C16orf96: variants seen among roughly 807,000 people sequenced by gnomAD.
C16orf96 encodes chromosome 16 open reading frame 96.
In C16orf96, 108 loss-of-function variants were observed where a neutral mutation model predicts 103.6. The ratio of observed to expected loss-of-function variants is 1.04; its 90% CI spans 0.89 to 1.22. The LOEUF (loss-of-function observed/expected upper bound fraction) is 1.22. C16orf96 is among the 50% of genes most tolerant of loss of function. The pLI is 0.00. For synonymous variants in C16orf96, 566 were observed against 593.5 expected (o/e 0.95, Z 0.67); for missense variants, 1,586 against 1,464.2 (o/e 1.08, Z -1.36).
chr16:4,568,655 G>A, intron 1 of C16orf96, among the ~76,000 whole-genome samples: 1 of 130,302 alleles, frequency 7.7e-6, no homozygotes, highest in Admixed American at 8.5e-5. Context: ...TTGAGACAGA[G>A]TCTCACTCTG....
intron 1 of C16orf96, among the ~76,000 whole-genome samples, chr16:4,563,343 G>A (rs1023919098): frequency 3.3e-5 from 5 of 151,906 alleles, no homozygotes; most frequent in South Asian, 4.2e-4. Flanking sequence ...TCAACCTCCC[G>A]GGCTCAACCC....
intron 2 of C16orf96, among the ~76,000 whole-genome samples, chr16:4,572,167 C>T (rs936677328): frequency 2.6e-5 from 4 of 151,938 alleles, no homozygotes; most frequent in African/African-American, 9.7e-5. Context: ...ATGCTTTCTA[C>T]CCCAGTGTGT....
At chr16:4,586,632 G>A (rs1006010771) in intron 7 of C16orf96, among the ~76,000 whole-genome samples, 2 of 152,210 alleles carry the variant, frequency 1.3e-5, no homozygotes, top group Non-Finnish European at 2.9e-5. Context: ...CCTAACGCTT[G>A]AGCACAGTGT....
At chr16:4,566,936 C>G (rs1313913995) in intron 1 of C16orf96, among the ~76,000 whole-genome samples, 1 of 151,898 alleles carries the variant, frequency 6.6e-6, no homozygotes, top group Non-Finnish European at 1.5e-5. Flanking sequence ...TTTTGTTGAC[C>G]TTTTCAATTA....
chr16:4,573,868 C>G (rs1278457618), intron 2 of C16orf96, among the ~76,000 whole-genome samples: 2 of 152,004 alleles, frequency 1.3e-5, no homozygotes, highest in Middle Eastern at 3.2e-3. Context: ...GAGTCTCTCT[C>G]TGTCACCCAG....
At position 4,576,678 on chromosome 16, in the gene C16orf96, C is replaced by A. The variant is rs758232639; in HGVS notation, c.2155+43C>A. On this transcript the variant is annotated intron_variant, in intron 5 of 15. Transcript: ENST00000444310. ...CTGGGAAGGGCACAAGGGAGTGGGG[C>A]TCTCCCTGCAGCCTTTGAGAAGTGT... is the stretch of plus-strand genomic sequence containing the variant. 9 of 1,498,592 alleles carry A rather than the reference C, an allele frequency of 6.0e-6. No individual in the cohort carries two copies. In the African/African-American group the frequency reaches 1.1e-4, roughly 19 times the overall value. 92.8% of individuals were successfully genotyped at this position (1,498,592 alleles called of 1,614,324 possible). A position where few individuals can be genotyped will look rare whatever the true frequency, so the allele number is the denominator to read the frequency against.
chr16:4,594,639 G>T, intron 13 of C16orf96, 65 bp from the exon 14 acceptor site: 1 of 1,542,672 alleles, frequency 6.5e-7, no homozygotes, highest in Middle Eastern at 1.7e-4. Context: ...GCTTCTGCGT[G>T]TACCAAAGTT....
At chr16:4,579,209 G>T (rs780578371) in intron 6 of C16orf96, among the ~76,000 whole-genome samples, 184 bp downstream of exon 6, 170 of 151,978 alleles carry the variant, frequency 1.1e-3, no homozygotes, top group Non-Finnish European at 2.0e-3. Context: ...TGCGGTGGGG[G>T]GGCCCAGCAG....
chr16:4,573,891 T>G (rs1026138722), intron 2 of C16orf96, among the ~76,000 whole-genome samples: 1 of 152,056 alleles, frequency 6.6e-6, no homozygotes, highest in East Asian at 1.9e-4. Flanking sequence ...TGGAGTGCAG[T>G]GGCACGATCT....
At position 4,600,220 on chromosome 16, in the gene C16orf96, A is replaced by ACCGT. The variant is rs1246348248; in HGVS notation, c.3331_3332insGTCC (p.Pro1111ArgfsTer18). 4.5e-6 allele frequency: 7 copies of ACCGT among 1,550,378 alleles called. No individual in the cohort carries two copies. The highest frequency in any genetic ancestry group is 6.1e-6 in the Non-Finnish European group (7 of 1,146,712). ...CCACCGCTGATTCCATCCCTAAGGG[A>ACCGT]CCCCCAGCAGGCCCCAGGGTCCACC... On this transcript the variant is annotated frameshift_variant, in exon 16 of 16. Transcript: ENST00000444310. LOFTEE classifies it low-confidence loss of function (END_TRUNC).
At chr16:4,597,457 G>A (rs1339062216) in intron 14 of C16orf96, among the ~76,000 whole-genome samples, 1 of 152,164 alleles carries the variant, frequency 6.6e-6, no homozygotes, top group Non-Finnish European at 1.5e-5. Context: ...GCCTCCCCAA[G>A]GGCTGTCATC....
Position 4,576,649 on chromosome 16 carries a change from G to A in C16orf96, c.2155+14G>A. ...TGAGTTATCTAGGTAGGCCTGGTCT[G>A]GCCCTGGGAAGGGCACAAGGGAGTG... On this transcript the variant is annotated intron_variant, in intron 5 of 15. Coordinates refer to ENST00000444310, the MANE Select transcript of C16orf96 (RefSeq NM_001145011.2). 1 of 1,542,590 alleles carries A rather than the reference G, an allele frequency of 6.5e-7. No individual in the cohort carries two copies. Among genetic ancestry groups the A allele is most frequent in the Non-Finnish European group, 8.8e-7 (1 of 1,142,248 alleles).
In C16orf96 at chr16:4,556,970, C is replaced by T. The variant is rs143227177; in HGVS notation, c.420+61C>T. On this transcript the variant is annotated intron_variant, in intron 1 of 15. Coordinates refer to ENST00000444310, the MANE Select transcript of C16orf96 (RefSeq NM_001145011.2). The stretch of plus-strand genomic sequence containing the variant: ...CTTCACCACTGGCTCTCTCCTGGGA[C>T]GTCTTTTTTTTGTTTTTGAGACTCC... 4.5e-5 allele frequency: 66 copies of T among 1,455,014 alleles called. No homozygotes were observed. The African/African-American group carries it at 4.9e-4, about 11-fold the overall frequency. 90.1% of individuals were successfully genotyped at this position (1,455,014 alleles called of 1,614,324 possible).
the C16orf96 span, among the ~76,000 whole-genome samples, chr16:4,543,838 C>T: frequency 6.6e-6 from 1 of 150,590 alleles, no homozygotes; most frequent in Non-Finnish European, 1.5e-5. Flanking sequence ...GACAGGGTTT[C>T]ACCATGTTGG....
intron 1 of C16orf96, chr16:4,563,202 T>C: frequency 1.6e-6 from 1 of 635,170 alleles, no homozygotes; most frequent in East Asian, 3.5e-5. Flanking sequence ...ATCGCTTCGC[T>C]CGGCTCTAGC....
At chr16:4,594,600 C>CAGT in intron 13 of C16orf96, 90 bp downstream of exon 13, 1 of 1,536,980 alleles carries the variant, frequency 6.5e-7, no homozygotes, top group Admixed American at 2.0e-5. Flanking sequence ...AGTGGGCAAC[C>CAGT]CCAGCAGAGG....
rs1168568096 is a variant in C16orf96 at position 4,575,027 on chromosome 16, G to C, written c.662G>C (p.Trp221Ser). Residue 221 changes from tryptophan to serine, a missense_variant, in exon 4 of 16, where the codon TGG becomes TCG. Coordinates refer to ENST00000444310, the MANE Select transcript of C16orf96 (RefSeq NM_001145011.2). ...CCCAAAACCGAGGACATGGTGCTCT[G>C]GAGTGGCCTTCATGATGCCATGTTC... ...TIPKTEDMVL[W>S]SGLHDAMFTS... 6.4e-7 allele frequency: 1 copy of C among 1,551,514 alleles called. No homozygotes were observed. The highest frequency in any genetic ancestry group is 2.0e-5 in the Admixed American group (1 of 51,006).
intron 7 of C16orf96, among the ~76,000 whole-genome samples, chr16:4,585,171 A>G (rs1192659364): frequency 6.6e-6 from 1 of 151,856 alleles, no homozygotes; most frequent in Non-Finnish European, 1.5e-5. Flanking sequence ...AAAAGCATAA[A>G]TAAGGCCAGG....
intron 15 of C16orf96, 77 bp from the exon 16 acceptor site, chr16:4,600,023 G>C (rs1246391140): frequency 7.4e-7 from 1 of 1,348,428 alleles, no homozygotes; most frequent in African/African-American, 1.4e-5. Context: ...TCTCTTTAGT[G>C]GGGATGGCCC....
Sources: allele counts gnomAD v4.1 joint callset (sites outside exome capture counted in the v4.1 genomes callset), GRCh38; gene constraint gnomAD v4.1.1; transcripts MANE v1.5; gene names NCBI Gene and HGNC (gene_info 2026-07-23, HGNC 2026-07-21).